Variants in GPX6 observed in about 807,000 individuals in gnomAD.
The protein encoded by GPX6 is glutathione peroxidase 6 (olfactory).
A neutral mutation model predicts 20.0 loss-of-function variants in GPX6; 21 were observed. The ratio of observed to expected loss-of-function variants is 1.05; its 90% CI spans 0.74 to 1.51. GPX6 has a LOEUF of 1.51. GPX6 is among the 40% of genes most tolerant of loss of function. GPX6 has a pLI of 0.00. For synonymous variants in GPX6, 75 were observed against 98.0 expected (o/e 0.77, Z 1.38); for missense variants, 233 against 254.7 (o/e 0.91, Z 0.58).
intron 1 of GPX6, among the ~76,000 whole-genome samples, chr6:28,511,301 C>G (rs561958185): frequency 1.8e-4 from 28 of 152,236 alleles, no homozygotes; most frequent in Non-Finnish European, 3.8e-4. Flanking sequence ...AACTTCTCAT[C>G]TACATGTTCT....
chr6:28,506,693 AT>A (rs11392458), intron 2 of GPX6, among the ~76,000 whole-genome samples: 40 of 140,138 alleles, frequency 2.9e-4, no homozygotes, highest in Non-Finnish European at 4.2e-4. Flanking sequence ...GAGAACTCTT[AT>A]TTTTTTTTTT....
intron 2 of GPX6, among the ~76,000 whole-genome samples, chr6:28,508,632 C>T (rs895497296): frequency 6.6e-6 from 1 of 151,282 alleles, no homozygotes; most frequent in South Asian, 2.1e-4. Flanking sequence ...ATAGTGAAAC[C>T]CAGTCTCTAT....
chr6:28,512,334 G>C (rs1033850932), intron 1 of GPX6, among the ~76,000 whole-genome samples: 1 of 152,368 alleles, frequency 6.6e-6, no homozygotes, highest in African/African-American at 2.4e-5. Context: ...TCTAGCTCAA[G>C]GTTTGTAAAC....
At position 28,506,706 on chromosome 6, in the gene GPX6, A is replaced by AACACACACACACACACAC. The variant is rs56155284; in HGVS notation, c.242-295_242-278dup. Among the ~76,000 whole-genome samples, 356 of 145,162 alleles carry AACACACACACACACACAC rather than the reference A, an allele frequency of 2.5e-3. 4 individuals are homozygous for AACACACACACACACACAC. The highest frequency in any genetic ancestry group is 7.7e-3 in the African/African-American group (300 of 38,842). Reference sequence around the variant, plus strand: ...ATGAGAACTCTTATTTTTTTTTTTAAACACACACACACACACACACACACA... The same window carrying AACACACACACACACACAC: ...ATGAGAACTCTTATTTTTTTTTTTAAACACACACACACACACACACACACACACACACACACACACACA... On this transcript the variant is annotated intron_variant, in intron 2 of 4. Coordinates refer to ENST00000361902, the MANE Select transcript of GPX6 (RefSeq NM_182701.1).
chr6:28,511,384 T>G (rs191345027), intron 1 of GPX6, among the ~76,000 whole-genome samples: 257 of 152,300 alleles, frequency 1.7e-3, no homozygotes, highest in Non-Finnish European at 2.7e-3. Context: ...CTTTCCAGGC[T>G]TGCCAATGGG....
chr6:28,515,188 A>C (rs1763001730), intron 1 of GPX6, among the ~76,000 whole-genome samples: 1 of 152,172 alleles, frequency 6.6e-6, no homozygotes, highest in African/African-American at 2.4e-5. Context: ...CCTAGTGCAG[A>C]TCGCAAGCCC....
chr6:28,507,878 G>A (rs1161152154), intron 2 of GPX6, among the ~76,000 whole-genome samples: 1 of 152,232 alleles, frequency 6.6e-6, no homozygotes, highest in Non-Finnish European at 1.5e-5. Flanking sequence ...TTATAGGTGT[G>A]AGCCACCACT....
chr6:28,504,829 A>G (rs914033352), intron 4 of GPX6, among the ~76,000 whole-genome samples: 1 of 152,094 alleles, frequency 6.6e-6, no homozygotes, highest in Admixed American at 6.5e-5. Flanking sequence ...TCATTTCTAC[A>G]GTTCGTTTCC....
Position 28,504,509 on chromosome 6 carries a change from G to A in GPX6, c.460-11C>T. 2 of 1,610,318 alleles carry A rather than the reference G, an allele frequency of 1.2e-6. No homozygotes were observed. Among genetic ancestry groups the A allele is most frequent in the East Asian group, 2.2e-5 (1 of 44,854 alleles). On this transcript the variant is annotated splice_polypyrimidine_tract_variant and intron_variant, in intron 4 of 4. Transcript: ENST00000361902. ...CGGAGGGCAGGAGTTCTGGAGCAGA[G>A]ATATAGAAAGTAGAGATATACATTT...
intron 1 of GPX6, among the ~76,000 whole-genome samples, chr6:28,511,965 T>C (rs1368743497): frequency 1.3e-5 from 2 of 152,230 alleles, no homozygotes; most frequent in Non-Finnish European, 1.5e-5. Flanking sequence ...CTGAGGAGCT[T>C]AGCACCAAGG....
At position 28,503,366 on chromosome 6, in the gene GPX6, A is replaced by G. The variant is rs1762774768; in HGVS notation, c.*926T>C. 6.6e-6 allele frequency: 1 copy of G among 152,334 alleles called. No individual in the cohort carries two copies. The highest frequency in any genetic ancestry group is 6.5e-5 in the Admixed American group (1 of 15,292). The allele number at this position is 152,334 out of a possible 1,614,324, so 9.4% of individuals were successfully genotyped here. ...GAGAAAAACAAAATACTGAAGAACA[A>G]GACAAGGGAATCAAGAAAGCAGGGA... On this transcript the variant is annotated 3_prime_UTR_variant, in exon 5 of 5. Coordinates refer to ENST00000361902, the MANE Select transcript of GPX6 (RefSeq NM_182701.1).
rs1351583889 is a variant in GPX6, at chr6:28,503,716, G to A, written c.*576C>T. 3 of 152,944 alleles carry A rather than the reference G, an allele frequency of 2.0e-5. No homozygotes were observed. Among genetic ancestry groups the A allele is most frequent in the African/African-American group, 7.2e-5 (3 of 41,556 alleles). The allele number at this position is 152,944 out of a possible 1,614,324, so 9.5% of individuals were successfully genotyped here. A position where few individuals can be genotyped will look rare whatever the true frequency, so the allele number is the denominator to read the frequency against. On this transcript the variant is annotated 3_prime_UTR_variant, in exon 5 of 5. Coordinates refer to ENST00000361902, the MANE Select transcript of GPX6 (RefSeq NM_182701.1). ...GGTTTCTGCTCTCACTCTGCCTTCA[G>A]AGGTCCTACATGAGAACTACTGGGT...
intron 1 of GPX6, 35 bp downstream of exon 1, chr6:28,515,622 C>G (rs765012288): frequency 1.9e-6 from 3 of 1,564,858 alleles, no homozygotes; most frequent in African/African-American, 2.7e-5. Context: ...TCATCACGTG[C>G]TGGAATCAGC....
intron 2 of GPX6, among the ~76,000 whole-genome samples, chr6:28,507,475 C>T (rs1215034940): frequency 6.6e-6 from 1 of 152,168 alleles, no homozygotes; most frequent in Non-Finnish European, 1.5e-5. Context: ...GAATGAGGTG[C>T]TCTTTAAAAT....
intron 1 of GPX6, among the ~76,000 whole-genome samples, chr6:28,512,844 C>T (rs1762922373): frequency 6.6e-6 from 1 of 151,360 alleles, no homozygotes; most frequent in African/African-American, 2.4e-5. Flanking sequence ...AGCTGTAACA[C>T]TGACCGCGAG....
At chr6:28,506,578 G>GA (rs5875160) in intron 2 of GPX6, 149 bp from the exon 3 acceptor site, 56,977 of 373,258 alleles carry the variant, frequency 0.15, 719 homozygotes, top group Non-Finnish European at 0.17. Context: ...AAGGAGTAGA[G>GA]AAAAAAAAAA....
chr6:28,515,547 A>C, intron 1 of GPX6, 110 bp downstream of exon 1: 1 of 754,678 alleles, frequency 1.3e-6, no homozygotes, highest in South Asian at 1.5e-5. Context: ...AGGGCTGGGA[A>C]TGCAGATCTT....
intron 1 of GPX6, among the ~76,000 whole-genome samples, chr6:28,514,462 G>C (rs1017865502): frequency 2.0e-5 from 3 of 152,212 alleles, no homozygotes; most frequent in African/African-American, 7.2e-5. Context: ...TAGATCTGAT[G>C]ACCCTTGGAG....
chr6:28,504,879 C>T (rs4713166), intron 4 of GPX6, among the ~76,000 whole-genome samples: 16,002 of 152,080 alleles, frequency 0.11, 1,332 homozygotes, highest in East Asian at 0.42. Context: ...AGTAGTGGCT[C>T]GCAGAGTTTG....
Sources: allele counts gnomAD v4.1 joint callset (sites outside exome capture counted in the v4.1 genomes callset), GRCh38; gene constraint gnomAD v4.1.1; transcripts MANE v1.5; gene names NCBI Gene and HGNC (gene_info 2026-07-23, HGNC 2026-07-21).